The following SOST variants were observed in gnomAD, a reference collection of about 807,000 sequenced individuals.
SOST encodes sclerostin, also known as sclerosteosis.
In SOST, 14 loss-of-function variants were observed where a neutral mutation model predicts 16.7. That is an observed-to-expected ratio of 0.84 (90% confidence interval 0.55 to 1.31). SOST has a LOEUF of 1.31. SOST is among the 50% of genes most tolerant of loss of function. The pLI is 0.00. For synonymous variants in SOST, 150 were observed against 140.9 expected, an observed-to-expected ratio of 1.06 and a Z score of -0.46; for missense variants, 291 against 310.7, an observed-to-expected ratio of 0.94 and a Z score of 0.48.
rs1483931314 is a variant in SOST, at chr17:43,755,965, A to C, written c.221-202T>G. On this transcript the variant is annotated intron_variant, in intron 1 of 1. Transcript: ENST00000301691. The surrounding 1 kb of genome is among the most constrained non-coding windows in gnomAD (Gnocchi z 4.3). Reference sequence around the variant, plus strand: ...GCGCACCCTGTCCCCTCGGAGCCAAATGACTGCTGGGGTTCAAACACCAGG... The same window carrying C: ...GCGCACCCTGTCCCCTCGGAGCCAACTGACTGCTGGGGTTCAAACACCAGG... Among the ~76,000 whole-genome samples, 1 of 152,212 alleles carries C rather than the reference A, an allele frequency of 6.6e-6. No homozygotes were observed.
In SOST at chr17:43,755,704, A is replaced by G; in HGVS notation, c.280T>C (p.Cys94Arg). The change falls in exon 2 of 2, where the codon TGC becomes CGC. Residue 94 changes from cysteine (C) to arginine (R), a missense_variant. Transcript: ENST00000301691. The surrounding 1 kb of genome is among the most constrained non-coding windows in gnomAD (Gnocchi z 4.3). ...HFTRYVTDGP[C>R]RSAKPVTELV... Reference sequence around the variant, plus strand: ...TCGGTGACCGGCTTGGCGCTGCGGCACGGCCCATCGGTCACGTAGCGGGTG... The same window carrying G: ...TCGGTGACCGGCTTGGCGCTGCGGCGCGGCCCATCGGTCACGTAGCGGGTG... 1 of 1,566,974 alleles carries G rather than the reference A, an allele frequency of 6.4e-7. No individual in the cohort carries two copies.
chr17:43,755,121 C>T lies in SOST; in HGVS notation c.*221G>A. 1 of 515,196 alleles carries T rather than the reference C, an allele frequency of 1.9e-6. No individual in the cohort carries two copies. Among genetic ancestry groups the T allele is most frequent in the Admixed American group, 4.0e-5 (1 of 25,206 alleles). 31.9% of individuals were successfully genotyped at this position (515,196 alleles called of 1,614,324 possible). ...TGCGTGGCTCAGTGTCTGTGACTCT[C>T]AATTCCCTCCCCTGCCCCGTGGGAC... is the stretch of plus-strand genomic sequence containing the variant. On this transcript the variant is annotated 3_prime_UTR_variant, in exon 2 of 2. Transcript: ENST00000301691. The surrounding 1 kb of genome is among the most constrained non-coding windows in gnomAD (Gnocchi z 4.3).
Position 43,755,561 on chromosome 17 carries a change from C to T in SOST, c.423G>A (p.Ala141=). 6.3e-7 allele frequency: 1 copy of T among 1,594,052 alleles called. No homozygotes were observed. Among genetic ancestry groups the T allele is most frequent in the African/African-American group, 1.4e-5 (1 of 73,350 alleles). The change falls in exon 2 of 2, where the codon GCG becomes GCA. Residue 141 remains alanine, a synonymous_variant. Transcript: ENST00000301691. The surrounding 1 kb of genome is among the most constrained non-coding windows in gnomAD (Gnocchi z 4.3). The part of the protein sequence containing the change: ...DFRCIPDRYR[A]QRVQLLCPGG... ...CGGGACACAGCAGCTGCACGCGCTGCGCGCGGTAGCGGTCGGGGATGCAGC... is the reference window on the plus strand; with the variant it reads ...CGGGACACAGCAGCTGCACGCGCTGTGCGCGGTAGCGGTCGGGGATGCAGC...
rs1237186234 is a variant in SOST, at chr17:43,755,306, G to A, written c.*36C>T. ...AAATGTGGGGCGCGGGTTCAGGGCC[G>A]GGGCGCCCGCCGGTGGGGAGGGGCG... On this transcript the variant is annotated 3_prime_UTR_variant, in exon 2 of 2. Transcript: ENST00000301691. This position sits in a 1 kb window ranked among gnomAD's most constrained non-coding sequence, Gnocchi z 4.3. The A allele has an allele frequency of 1.3e-6, 2 of 1,501,406 alleles. No homozygotes were observed. The highest frequency in any genetic ancestry group is 1.3e-5 in the South Asian group (1 of 75,778). 93.0% of individuals were successfully genotyped at this position (1,501,406 alleles called of 1,614,324 possible). A position where few individuals can be genotyped will look rare whatever the true frequency, so the allele number is the denominator to read the frequency against.
At position 43,758,518 on chromosome 17, in the gene SOST, A is replaced by C. The variant is rs1203928179; in HGVS notation, c.220+4T>G. On this transcript the variant is annotated splice_donor_region_variant and intron_variant, in intron 1 of 1. Transcript: ENST00000301691. ...TACTAAGAATTCTCTCCTCCACCCCATACCTTTGGTCTCAAAGGGGTGGTG... is the reference window on the plus strand; with the variant it reads ...TACTAAGAATTCTCTCCTCCACCCCCTACCTTTGGTCTCAAAGGGGTGGTG... 1.9e-6 allele frequency: 3 copies of C among 1,609,520 alleles called. No homozygotes were observed. The highest frequency in any genetic ancestry group is 2.7e-5 in the African/African-American group (2 of 74,810).
chr17:43,756,705 A>T (rs1237126383), intron 1 of SOST, among the ~76,000 whole-genome samples: 2 of 152,026 alleles, frequency 1.3e-5, no homozygotes, highest in Admixed American at 1.3e-4. Flanking sequence ...TGCCACAAAC[A>T]TTGACCTGGC....
intron 1 of SOST, among the ~76,000 whole-genome samples, chr17:43,757,128 CA>C (rs1006734348): frequency 4.6e-5 from 7 of 152,158 alleles, no homozygotes; most frequent in African/African-American, 1.4e-4. Context: ...TGTGTGTGGT[CA>C]GGGGGGCATT....
chr17:43,757,390 C>A (rs1362443869), intron 1 of SOST, among the ~76,000 whole-genome samples: 1 of 152,136 alleles, frequency 6.6e-6, no homozygotes, highest in African/African-American at 2.4e-5. Context: ...ATTTTGAAGA[C>A]GGAGGGTCCT....
rs763365891 is a variant in SOST at position 43,755,322 on chromosome 17, G to A, written c.*20C>T. Reference sequence around the variant, plus strand: ...TTCAGGGCCGGGGCGCCCGCCGGTGGGGAGGGGCGCGGGCGGGCTCTAGTA... The same window carrying A: ...TTCAGGGCCGGGGCGCCCGCCGGTGAGGAGGGGCGCGGGCGGGCTCTAGTA... On this transcript the variant is annotated 3_prime_UTR_variant, in exon 2 of 2. Transcript: ENST00000301691. This position sits in a 1 kb window ranked among gnomAD's most constrained non-coding sequence, Gnocchi z 4.3. 2.0e-6 allele frequency: 3 copies of A among 1,535,262 alleles called. No homozygotes were observed. Among genetic ancestry groups the A allele is most frequent in the Non-Finnish European group, 2.6e-6 (3 of 1,154,536 alleles).
intron 1 of SOST, among the ~76,000 whole-genome samples, chr17:43,758,091 C>T (rs948481897): frequency 4.6e-5 from 7 of 152,176 alleles, no homozygotes; most frequent in Admixed American, 3.9e-4. Context: ...CAGCCACCAC[C>T]AGCATAGAGT....
At chr17:43,758,050 G>T (rs938889248) in intron 1 of SOST, among the ~76,000 whole-genome samples, 1 of 152,148 alleles carries the variant, frequency 6.6e-6, no homozygotes, top group Non-Finnish European at 1.5e-5. Context: ...ACCTCCTGGG[G>T]ATTCCATGAT....
In SOST at chr17:43,755,664, C is replaced by G; in HGVS notation, c.320G>C (p.Gly107Ala). The G allele has an allele frequency of 6.4e-7, 1 of 1,568,548 alleles. No individual in the cohort carries two copies. The stretch of plus-strand genomic sequence containing the variant: ...CAGCAGGCGCGCCGGGCCGCACTGG[C>G]CGGAGCACACCAGCTCGGTGACCGG... The part of the protein sequence containing the change: ...AKPVTELVCS[G>A]QCGPARLLPN... Residue 107 changes from glycine (G) to alanine (A), a missense_variant, in exon 2 of 2, where the codon GGC (glycine) becomes GCC (alanine). Coordinates refer to ENST00000301691, the MANE Select transcript of SOST (RefSeq NM_025237.3). The surrounding 1 kb of genome is among the most constrained non-coding windows in gnomAD (Gnocchi z 4.3).
intron 1 of SOST, among the ~76,000 whole-genome samples, chr17:43,756,626 T>A (rs1974133575): frequency 6.6e-6 from 1 of 152,160 alleles, no homozygotes; most frequent in South Asian, 2.1e-4. Context: ...AGCTGAGGGC[T>A]GCTTTTTACT....
In SOST at chr17:43,755,452, C is replaced by G; in HGVS notation, c.532G>C (p.Glu178Gln). The G allele has an allele frequency of 6.3e-7, 1 of 1,596,854 alleles. No individual in the cohort carries two copies. The highest frequency in any genetic ancestry group is 8.5e-7 in the Non-Finnish European group (1 of 1,178,720). ...GCCTCGGTCCCGAAGTCCTTGAGCT[C>G]CGACTGGTTGTGGAAGCGGGTGAGG... ...KRLTRFHNQS[E>Q]LKDFGTEAAR... is the part of the protein sequence containing the mutation. The change falls in exon 2 of 2, where the codon GAG becomes CAG. Residue 178 changes from glutamate (E) to glutamine (Q), a missense_variant. By Grantham distance (29) the Glu-to-Gln change is conservative. Transcript: ENST00000301691. This position sits in a 1 kb window ranked among gnomAD's most constrained non-coding sequence, Gnocchi z 4.3.
rs1330217415 is a variant in SOST, at chr17:43,758,541, G to T, written c.201C>A (p.His67Gln). Residue 67 changes from histidine to glutamine, a missense_variant, in exon 1 of 2, where the codon CAC becomes CAA. Transcript: ENST00000301691. Reference protein sequence around the residue: ...NRAENGGRPPHHPFETKDVSE... With the variant: ...NRAENGGRPPQHPFETKDVSE... ...CCATACCTTTGGTCTCAAAGGGGTG[G>T]TGGGGAGGCCGCCCTCCGTTCTCCG... 6.2e-7 allele frequency: 1 copy of T among 1,613,870 alleles called. No individual in the cohort carries two copies. Among genetic ancestry groups the T allele is most frequent in the African/African-American group, 1.3e-5 (1 of 74,928 alleles).
rs775073017 is a variant in SOST at position 43,758,676 on chromosome 17, C to G, written c.66G>C (p.Glu22Asp). Residue 22 changes from glutamate to aspartate, a missense_variant, in exon 1 of 2, where the codon GAG becomes GAC. By Grantham distance (45) the Glu-to-Asp change is conservative. Coordinates refer to ENST00000301691, the MANE Select transcript of SOST (RefSeq NM_025237.3). ...TCTTGAACGCCTGCCACCCCTGGCC[C>G]TCCACTACACGGAAGGCTGTGTGTA... ...LLVHTAFRVV[E>D]GQGWQAFKND... 1.9e-6 allele frequency: 3 copies of G among 1,614,132 alleles called. No homozygotes were observed. Among genetic ancestry groups the G allele is most frequent in the Non-Finnish European group, 2.5e-6 (3 of 1,180,028 alleles).
At position 43,758,609 on chromosome 17, in the gene SOST, C is replaced by T. The variant is rs773071580; in HGVS notation, c.133G>A (p.Glu45Lys). The T allele has an allele frequency of 8.7e-6, 14 of 1,614,010 alleles. No individual in the cohort carries two copies. The highest frequency in any genetic ancestry group is 6.7e-5 in the East Asian group (3 of 44,880). Residue 45 changes from glutamate (E) to lysine (K), a missense_variant, in exon 1 of 2, where the codon GAG becomes AAG. Glu to Lys is a moderately conservative substitution (Grantham distance 56). Coordinates refer to ENST00000301691, the MANE Select transcript of SOST (RefSeq NM_025237.3). ...EIIPELGEYP[E>K]PPPELENNKT... ...TTGTTCTCCAGCTCCGGTGGAGGCT[C>T]GGGGTACTCTCCGAGCTCGGGGATG...
chr17:43,757,789 G>C (rs923360390), intron 1 of SOST, among the ~76,000 whole-genome samples: 5 of 152,096 alleles, frequency 3.3e-5, no homozygotes, highest in Non-Finnish European at 7.4e-5. Flanking sequence ...CCCATGTCAG[G>C]GGCTAAAACT....
chr17:43,755,880 C>T lies in SOST; in HGVS notation c.221-117G>A, dbSNP rs1423689156. ...CCAAGCCTGTCTCCAGAGGCTTTTG[C>T]CCCTGAACATCTATTGCAGGAAGGT... On this transcript the variant is annotated intron_variant, in intron 1 of 1. Coordinates refer to ENST00000301691, the MANE Select transcript of SOST (RefSeq NM_025237.3). This position sits in a 1 kb window ranked among gnomAD's most constrained non-coding sequence, Gnocchi z 4.3. The T allele has an allele frequency of 4.2e-6, 5 of 1,199,698 alleles. No individual in the cohort carries two copies. The highest frequency in any genetic ancestry group is 4.6e-6 in the Non-Finnish European group (4 of 867,210). 74.3% of individuals were successfully genotyped at this position (1,199,698 alleles called of 1,614,324 possible).
Sources: gnomAD v4.1 joint callset for allele counts (sites outside exome capture counted in the v4.1 genomes callset) on GRCh38, gnomAD v4.1.1 for gene constraint, Gnocchi (gnomAD v3.1) non-coding constraint, MANE v1.5 for transcripts, NCBI Gene and HGNC (gene_info 2026-07-23, HGNC 2026-07-21) for gene names.